The following SMIM35 variants were observed in gnomAD, a reference collection of about 807,000 sequenced individuals.
SMIM35 encodes TMPRSS4 antisense RNA 1 (non-protein coding).
At chr11:118,047,925 A>G (rs1435853133) in intron 1 of SMIM35, among the ~76,000 whole-genome samples, 1 of 152,090 alleles carries the variant, frequency 6.6e-6, no homozygotes, top group Non-Finnish European at 1.5e-5. Context: ...AGCAGCCCAG[A>G]GCGTTTCAAG....
At chr11:118,019,986 G>A (rs1252774796) in intron 1 of SMIM35, among the ~76,000 whole-genome samples, 3 of 152,242 alleles carry the variant, frequency 2.0e-5, no homozygotes, top group East Asian at 3.9e-4. Flanking sequence ...AATCTCGGCT[G>A]GGCATGGTGT....
chr11:118,060,771 T>G (rs765145955), intron 1 of SMIM35, among the ~76,000 whole-genome samples: 1 of 152,142 alleles, frequency 6.6e-6, no homozygotes, highest in Non-Finnish European at 1.5e-5. Flanking sequence ...GGAATGCTGG[T>G]TCTAATCTGG....
intron 1 of SMIM35, among the ~76,000 whole-genome samples, chr11:118,044,879 G>A (rs1240663154): frequency 6.6e-6 from 1 of 151,590 alleles, no homozygotes; most frequent in Non-Finnish European, 1.5e-5. Context: ...GCAGGTGATT[G>A]GACATCTCTA....
intron 1 of SMIM35, among the ~76,000 whole-genome samples, chr11:118,048,946 C>CAAAAAAAAAAAAAAAAAAAAAAAAAAAAA (rs57261529): frequency 9.9e-5 from 6 of 60,498 alleles, no homozygotes; most frequent in Non-Finnish European, 1.5e-4. Flanking sequence ...TGAAGAGCTG[C>CAAAAAAAAAAAAAAAAAAAAAAAAAAAAA]AAAAAAAAAA....
At chr11:118,063,701 C>T (rs967198004) in intron 1 of SMIM35, among the ~76,000 whole-genome samples, 3 of 152,138 alleles carry the variant, frequency 2.0e-5, no homozygotes, top group Non-Finnish European at 4.4e-5. Flanking sequence ...GTAAGTTGAT[C>T]ACCAATGGCC....
In SMIM35 at chr11:118,034,585, G is replaced by A. The variant is rs986758210; in HGVS notation, c.8-18776C>T. 2.6e-5 allele frequency among the ~76,000 whole-genome samples: 4 copies of A among 152,272 alleles called. No individual in the cohort carries two copies. The South Asian group carries it at 6.2e-4, about 24-fold the overall frequency. Reference sequence around the variant, plus strand: ...CAAAAAATACAAAAATTAGCTGGGCGTGGTGGTTCACATCTGTAGTCCCAG... The same window carrying A: ...CAAAAAATACAAAAATTAGCTGGGCATGGTGGTTCACATCTGTAGTCCCAG... On this transcript the variant is annotated intron_variant, in intron 1 of 4. Transcript: ENST00000689828.
intron 1 of SMIM35, among the ~76,000 whole-genome samples, chr11:118,035,974 GC>G (rs1221552226): frequency 2.0e-5 from 3 of 152,236 alleles, no homozygotes; most frequent in African/African-American, 7.2e-5. Context: ...TACAACCTTC[GC>G]CTCCTGGGTT....
chr11:118,030,282 G>T (rs651348), intron 1 of SMIM35, among the ~76,000 whole-genome samples: 18,697 of 152,006 alleles, frequency 0.12, 1,343 homozygotes, highest in Non-Finnish European at 0.15. Context: ...TGATCCACCC[G>T]CCTCAGCCAC....
At chr11:118,033,957 C>T (rs1354253774) in intron 1 of SMIM35, among the ~76,000 whole-genome samples, 3 of 152,140 alleles carry the variant, frequency 2.0e-5, no homozygotes, top group Non-Finnish European at 4.4e-5. Flanking sequence ...ACCCTAACGC[C>T]TGGAATTACC....
At chr11:118,031,693 A>G (rs567110107) in intron 1 of SMIM35, 1 of 152,272 alleles carries the variant, frequency 6.6e-6, no homozygotes, top group East Asian at 1.9e-4. Flanking sequence ...ATTCCTCTCC[A>G]CAAAGTACTT....
chr11:118,063,029 G>A (rs1289645917), intron 1 of SMIM35, among the ~76,000 whole-genome samples: 3 of 151,998 alleles, frequency 2.0e-5, no homozygotes, highest in East Asian at 1.9e-4. Context: ...GCGCCAAGAC[G>A]GTTTACAAAT....
chr11:118,077,454 C>T, intron 1 of SMIM35: 1 of 945,654 alleles, frequency 1.1e-6, no homozygotes. Context: ...CCCTCACACC[C>T]CAGCCCGGTA....
intron 1 of SMIM35, among the ~76,000 whole-genome samples, chr11:118,082,117 A>G (rs559089384): frequency 1.3e-5 from 2 of 152,346 alleles, no homozygotes; most frequent in Non-Finnish European, 2.9e-5. Flanking sequence ...GGTCTTAAAG[A>G]GAATAATAGC....
chr11:118,081,153 G>T (rs1334411882), intron 1 of SMIM35, among the ~76,000 whole-genome samples: 3 of 152,198 alleles, frequency 2.0e-5, no homozygotes, highest in Non-Finnish European at 4.4e-5. Flanking sequence ...ATCAAAGACA[G>T]AATCCCCTAT....
chr11:118,083,043 G>C (rs537434834), intron 1 of SMIM35, among the ~76,000 whole-genome samples: 1 of 152,026 alleles, frequency 6.6e-6, no homozygotes, highest in African/African-American at 2.4e-5. Context: ...CTTCTGCCCT[G>C]CCTCCCTCTC....
chr11:118,044,890 G>C (rs1157304915), intron 1 of SMIM35, among the ~76,000 whole-genome samples: 2 of 151,746 alleles, frequency 1.3e-5, no homozygotes, highest in East Asian at 3.9e-4. Flanking sequence ...GACATCTCTA[G>C]CTTTTAGATT....
At chr11:118,076,459 G>GA (rs1054946321) in intron 1 of SMIM35, among the ~76,000 whole-genome samples, 2 of 151,776 alleles carry the variant, frequency 1.3e-5, no homozygotes, top group Non-Finnish European at 2.9e-5. Flanking sequence ...AAAAAGAAAA[G>GA]AAAAAAAGAA....
At chr11:118,012,836 T>A (rs549092948) in intron 4 of SMIM35, among the ~76,000 whole-genome samples, 7 of 152,304 alleles carry the variant, frequency 4.6e-5, no homozygotes, top group African/African-American at 1.7e-4. Flanking sequence ...ACTTTGCTTA[T>A]TGAAGCTATG....
At chr11:118,013,400 G>A (rs2058160220) in intron 4 of SMIM35, among the ~76,000 whole-genome samples, 1 of 152,226 alleles carries the variant, frequency 6.6e-6, no homozygotes, top group Non-Finnish European at 1.5e-5. Context: ...GTGCTAGAGT[G>A]ATGCTTCTTG....
Sources: gnomAD v4.1 joint callset for allele counts (sites outside exome capture counted in the v4.1 genomes callset) on GRCh38, gnomAD v4.1.1 for gene constraint, MANE v1.5 for transcripts, NCBI Gene and HGNC (gene_info 2026-07-23, HGNC 2026-07-21) for gene names.